TANK: variants seen among roughly 807,000 people sequenced by gnomAD.
TANK encodes the protein TRAF family member-associated NF-kappa-B activator.
TANK carries 15 observed loss-of-function variants against 43.6 expected under a neutral mutation model. The ratio of observed to expected loss-of-function variants is 0.34; its 90% CI spans 0.23 to 0.53. The LOEUF is 0.53. Ranked by LOEUF, TANK falls within the 20% of genes least tolerant of loss-of-function variation. TANK has a pLI of 0.94. For synonymous variants in TANK, 162 were observed against 178.2 expected (o/e 0.91, Z 0.73); for missense variants, 417 against 498.6 (o/e 0.84, Z 1.56).
intron 1 of TANK, among the ~76,000 whole-genome samples, chr2:161,147,910 A>G (rs1266294340): frequency 1.3e-5 from 2 of 152,102 alleles, no homozygotes; most frequent in Non-Finnish European, 2.9e-5. Context: ...TTATTTATCC[A>G]TTCGTCTGTT....
intron 1 of TANK, among the ~76,000 whole-genome samples, chr2:161,147,914 G>A (rs1205471437): frequency 2.0e-5 from 3 of 151,970 alleles, no homozygotes; most frequent in East Asian, 1.9e-4. Flanking sequence ...TTATCCATTC[G>A]TCTGTTGATG....
At chr2:161,188,240 C>T (rs1048840054) in intron 2 of TANK, among the ~76,000 whole-genome samples, 4 of 151,770 alleles carry the variant, frequency 2.6e-5, no homozygotes, top group African/African-American at 9.7e-5. Flanking sequence ...TAGAGAAAAA[C>T]AACGAAAACA....
chr2:161,222,387 T>C (rs950964164), intron 4 of TANK, among the ~76,000 whole-genome samples: 3 of 148,994 alleles, frequency 2.0e-5, no homozygotes, highest in Admixed American at 2.0e-4. Context: ...GTTTGACATA[T>C]TAAATTATCA....
chr2:161,194,200 G>T (rs1334975180), intron 2 of TANK, among the ~76,000 whole-genome samples: 2 of 151,922 alleles, frequency 1.3e-5, no homozygotes, highest in African/African-American at 2.4e-5. Flanking sequence ...TAAATGATTA[G>T]GTTATAGAAA....
At chr2:161,211,331 A>G (rs1021641848) in intron 4 of TANK, among the ~76,000 whole-genome samples, 1 of 152,138 alleles carries the variant, frequency 6.6e-6, no homozygotes, top group African/African-American at 2.4e-5. Context: ...GTGCCCACTT[A>G]GGGATCTTCG....
intron 1 of TANK, chr2:161,139,798 C>A: frequency 1.0e-6 from 1 of 985,336 alleles, no homozygotes; most frequent in Non-Finnish European, 1.2e-6. Context: ...GGCATAGCAG[C>A]CAAATAAACA....
At chr2:161,202,106 G>A (rs557763405) in intron 2 of TANK, among the ~76,000 whole-genome samples, 1 of 147,560 alleles carries the variant, frequency 6.8e-6, no homozygotes, top group Admixed American at 6.8e-5. Context: ...AGCTTTGTCA[G>A]TTATTCATAT....
intron 1 of TANK, among the ~76,000 whole-genome samples, chr2:161,145,644 T>C (rs548713707): frequency 4.6e-5 from 7 of 151,854 alleles, no homozygotes; most frequent in Non-Finnish European, 8.8e-5. Context: ...CTTTAAAATA[T>C]TGGCCCCCAC....
upstream of TANK, among the ~76,000 whole-genome samples, chr2:161,155,686 A>G (rs911069200): frequency 6.6e-6 from 1 of 152,162 alleles, no homozygotes; most frequent in Admixed American, 6.5e-5. Context: ...TTCCACCTGG[A>G]TTCTTGTCGA....
upstream of TANK, among the ~76,000 whole-genome samples, chr2:161,157,409 G>T (rs1447646515): frequency 6.6e-6 from 1 of 152,206 alleles, no homozygotes; most frequent in Non-Finnish European, 1.5e-5. Context: ...GGCCCTGGTT[G>T]TCAGTCTGCC....
chr2:161,186,090 A>G (rs1346931402), intron 2 of TANK, among the ~76,000 whole-genome samples: 1 of 152,152 alleles, frequency 6.6e-6, no homozygotes, highest in African/African-American at 2.4e-5. Context: ...GGATTGCTTG[A>G]GCCCAGTGAT....
At chr2:161,155,035 A>G (rs529367012) in intron 1 of TANK, among the ~76,000 whole-genome samples, 3 of 152,250 alleles carry the variant, frequency 2.0e-5, no homozygotes, top group African/African-American at 7.2e-5. Flanking sequence ...GTGAGCTACA[A>G]TGTGCAGCCA....
At chr2:161,196,806 A>G (rs996701549) in intron 2 of TANK, among the ~76,000 whole-genome samples, 2 of 152,338 alleles carry the variant, frequency 1.3e-5, no homozygotes, top group East Asian at 1.9e-4. Flanking sequence ...CAGTGAGCCT[A>G]GGCAGATTAT....
chr2:161,224,078 T>A (rs1169242642), intron 5 of TANK, 87 bp downstream of exon 5: 1 of 925,682 alleles, frequency 1.1e-6, no homozygotes. Flanking sequence ...CTTTAACAAT[T>A]GCAAAAAAAA....
intron 2 of TANK, among the ~76,000 whole-genome samples, chr2:161,199,399 A>G (rs977843142): frequency 2.0e-5 from 3 of 152,116 alleles, no homozygotes; most frequent in Non-Finnish European, 4.4e-5. Flanking sequence ...GGGCACTTAA[A>G]CTTTTTTTCC....
chr2:161,166,344 C>T (rs1270462383), intron 1 of TANK, among the ~76,000 whole-genome samples: 1 of 152,160 alleles, frequency 6.6e-6, no homozygotes, highest in East Asian at 1.9e-4. Context: ...AATAGAAATG[C>T]AAGAGGTCAG....
intron 4 of TANK, chr2:161,216,356 TCTC>T (rs1178982279): frequency 2.2e-6 from 1 of 462,552 alleles, no homozygotes; most frequent in Admixed American, 2.4e-5. Context: ...TTGAACATTC[TCTC>T]CTGCTTTCTC....
intron 2 of TANK, among the ~76,000 whole-genome samples, chr2:161,192,596 C>T (rs1685966841): frequency 6.6e-6 from 1 of 152,112 alleles, no homozygotes; most frequent in Admixed American, 6.5e-5. Context: ...TGGTACAGCC[C>T]TCATTCTAGA....
At chr2:161,163,430 C>T (rs1038753773) in intron 1 of TANK, 20 of 151,984 alleles carry the variant, frequency 1.3e-4, no homozygotes, top group African/African-American at 4.8e-4. Flanking sequence ...ACTTTTTTTT[C>T]ATGGACAAGG....
Sources: gnomAD v4.1 joint callset for allele counts (sites outside exome capture counted in the v4.1 genomes callset) on GRCh38, gnomAD v4.1.1 for gene constraint, MANE v1.5 for transcripts, NCBI Gene and HGNC (gene_info 2026-07-23, HGNC 2026-07-21) for gene names.